The following CAPN14 variants were observed in gnomAD, a reference collection of about 807,000 sequenced individuals.
CAPN14 encodes calpain-14.
CAPN14 carries 94 observed loss-of-function variants against 101.3 expected under a neutral mutation model. That is an observed-to-expected ratio of 0.93 (90% CI 0.79 to 1.10). The LOEUF (loss-of-function observed/expected upper bound fraction) is 1.10, where lower values mean the gene tolerates loss of function less well. Among genes scored for constraint, CAPN14 ranks in the 50% least tolerant of loss-of-function variants. The pLI is 0.00. For synonymous variants in CAPN14, 338 were observed against 317.9 expected (o/e 1.06, Z -0.67); for missense variants, 837 against 828.4 (o/e 1.01, Z -0.13).
chr2:31,210,650 T>A (rs536938287), intron 1 of CAPN14, among the ~76,000 whole-genome samples: 50 of 152,298 alleles, frequency 3.3e-4, no homozygotes, highest in African/African-American at 1.1e-3. Context: ...AAATATAAAT[T>A]ACCCATATTT....
chr2:31,204,813 G>A (rs754617920), intron 2 of CAPN14, among the ~76,000 whole-genome samples: 25 of 152,252 alleles, frequency 1.6e-4, no homozygotes, highest in Admixed American at 5.9e-4. Context: ...CCTGAGTCCT[G>A]TGAGCCTCTC....
chr2:31,230,807 G>A lies in CAPN14; in HGVS notation c.-177+2984C>T, dbSNP rs536193271. Among the ~76,000 whole-genome samples the A allele has an allele frequency of 4.6e-4, 70 of 152,242 alleles. No homozygotes were observed. Among genetic ancestry groups the A allele is most frequent in the African/African-American group, 1.5e-3 (63 of 41,538 alleles). The stretch of plus-strand genomic sequence containing the variant: ...CTCACTTTTGTATTTTTAGTTGAAC[G>A]AAAGTTTTAAATTTTGCTAGTGCTA... On this transcript the variant is annotated intron_variant and NMD_transcript_variant, in intron 1 of 21. Transcript: ENST00000398824. This position sits in a 1 kb window ranked among gnomAD's most constrained non-coding sequence, Gnocchi z 4.3.
At chr2:31,187,850 C>T (rs1489105235) in intron 14 of CAPN14, 36 bp from the exon 15 acceptor site, 1 of 1,516,292 alleles carries the variant, frequency 6.6e-7, no homozygotes, top group South Asian at 1.2e-5. Flanking sequence ...CACAATTATT[C>T]ACCTGTATAA....
intron 19 of CAPN14, among the ~76,000 whole-genome samples, chr2:31,177,449 G>C (rs1680361790): frequency 6.6e-6 from 1 of 152,138 alleles, no homozygotes; most frequent in Admixed American, 6.5e-5. Context: ...GAGCCCGGCA[G>C]TCCTGAATTT....
rs1023869878 is a variant in CAPN14 at position 31,230,225 on chromosome 2, A to C, written c.-177+3566T>G. Among the ~76,000 whole-genome samples, 15 of 152,196 alleles carry C rather than the reference A, an allele frequency of 9.9e-5. No homozygotes were observed. Among genetic ancestry groups the C allele is most frequent in the Non-Finnish European group, 2.1e-4 (14 of 68,032 alleles). On this transcript the variant is annotated intron_variant and NMD_transcript_variant, in intron 1 of 21. Coordinates refer to the CAPN14 transcript ENST00000398824. This position sits in a 1 kb window ranked among gnomAD's most constrained non-coding sequence, Gnocchi z 4.3. Reference sequence around the variant, plus strand: ...TAGACCCCAGTGTGGTATATATTTTATATGAATGTGGCACATTTATCCATT... The same window carrying C: ...TAGACCCCAGTGTGGTATATATTTTCTATGAATGTGGCACATTTATCCATT...
rs142811456 is a variant in CAPN14, at chr2:31,208,779, T to C, written c.-52-3280A>G. Among the ~76,000 whole-genome samples the C allele has an allele frequency of 7.2e-3, 1,093 of 152,320 alleles. 15 individuals are homozygous for C. Among genetic ancestry groups the C allele is most frequent in the Non-Finnish European group, 9.0e-3 (610 of 68,028 alleles). ...CTAGGTCACATTTGGAAATTCATTT[T>C]GACTATTGTAAGTGAGCAGCGTTGG... On this transcript the variant is annotated intron_variant, in intron 1 of 21. Transcript: ENST00000403897.
Position 31,201,012 on chromosome 2 carries a change from C to T in CAPN14, c.552-387G>A, listed in dbSNP as rs72859317. Among the ~76,000 whole-genome samples the T allele has an allele frequency of 7.5e-3, 1,139 of 152,250 alleles. 13 individuals are homozygous for T. Among genetic ancestry groups the T allele is most frequent in the African/African-American group, 0.026 (1,075 of 41,558 alleles). ...AAACCTGTTGGGACAACACCCTGGA[C>T]TCAAGAAAAGGCATGTGTCCACCAC... On this transcript the variant is annotated intron_variant, in intron 5 of 21. Coordinates refer to ENST00000403897, the MANE Select transcript of CAPN14 (RefSeq NM_001145122.2).
chr2:31,212,494 T>C (rs953017843), intron 1 of CAPN14, among the ~76,000 whole-genome samples: 2 of 152,148 alleles, frequency 1.3e-5, no homozygotes, highest in African/African-American at 4.8e-5. Flanking sequence ...AAAAATAAGA[T>C]CTGCCCAAAT....
chr2:31,180,207 G>A (rs1323175793), intron 17 of CAPN14, among the ~76,000 whole-genome samples: 1 of 152,092 alleles, frequency 6.6e-6, no homozygotes, highest in Non-Finnish European at 1.5e-5. Context: ...GTGATGAAAT[G>A]AGCGCTTGGA....
chr2:31,227,223 T>C (rs1683049768), intron 1 of CAPN14, among the ~76,000 whole-genome samples: 2 of 152,188 alleles, frequency 1.3e-5, no homozygotes, highest in African/African-American at 4.8e-5. Context: ...CCGTGTAATA[T>C]TGGATTTCTC....
chr2:31,213,748 G>C (rs781598285), intron 1 of CAPN14, among the ~76,000 whole-genome samples: 17 of 152,168 alleles, frequency 1.1e-4, no homozygotes, highest in Admixed American at 2.0e-4. Flanking sequence ...GTTTCTCTCT[G>C]CTAAAGTTTC....
intron 12 of CAPN14, among the ~76,000 whole-genome samples, chr2:31,190,237 G>T (rs1681112343): frequency 6.6e-6 from 1 of 150,670 alleles, no homozygotes; most frequent in African/African-American, 2.5e-5. Flanking sequence ...TCTCACTCAG[G>T]GCTATAGAGG....
At chr2:31,174,768 C>T in intron 21 of CAPN14, 61 bp from the exon 22 acceptor site, 1 of 1,495,528 alleles carries the variant, frequency 6.7e-7, no homozygotes. Flanking sequence ...CTGGGCCTCC[C>T]CATCCCACAC....
chr2:31,200,375 G>C, intron 6 of CAPN14, 76 bp downstream of exon 6: 2 of 1,328,552 alleles, frequency 1.5e-6, no homozygotes, highest in East Asian at 5.1e-5. Context: ...CCACACCCAG[G>C]TGAGGGTAGT....
At chr2:31,183,178 A>C (rs1483417154) in intron 16 of CAPN14, among the ~76,000 whole-genome samples, 1 of 151,726 alleles carries the variant, frequency 6.6e-6, no homozygotes, top group African/African-American at 2.4e-5. Context: ...CTTATACAAA[A>C]ATTAATTCAA....
exon 2 of CAPN14, chr2:31,226,595 T>C (rs1427987715): frequency 2.0e-5 from 3 of 152,272 alleles, no homozygotes; most frequent in Non-Finnish European, 4.4e-5. Flanking sequence ...TTTCTGCTTT[T>C]GGTGTTTCCC....
chr2:31,227,683 A>G (rs1382338373), intron 1 of CAPN14, among the ~76,000 whole-genome samples: 2 of 152,226 alleles, frequency 1.3e-5, no homozygotes, highest in Non-Finnish European at 2.9e-5. Flanking sequence ...GGACCTTGTC[A>G]TAAAAAGAGG....
intron 1 of CAPN14, among the ~76,000 whole-genome samples, chr2:31,215,930 G>A (rs1682624709): frequency 6.6e-6 from 1 of 150,800 alleles, no homozygotes; most frequent in South Asian, 2.1e-4. Context: ...TTCCATTCCT[G>A]GTTATTACCC....
chr2:31,213,405 G>A (rs1443567416), intron 1 of CAPN14, among the ~76,000 whole-genome samples: 2 of 152,252 alleles, frequency 1.3e-5, no homozygotes, highest in Non-Finnish European at 2.9e-5. Context: ...GTCCGTGGCT[G>A]CTTTCGCATT....
Sources: gnomAD v4.1 joint callset for allele counts (sites outside exome capture counted in the v4.1 genomes callset) on GRCh38, gnomAD v4.1.1 for gene constraint, Gnocchi (gnomAD v3.1) non-coding constraint, MANE v1.5 for transcripts, NCBI Gene and HGNC (gene_info 2026-07-23, HGNC 2026-07-21) for gene names.